Variants in SHROOM3 observed in about 807,000 individuals in gnomAD.
SHROOM3 encodes the protein shroom family member 3.
SHROOM3 carries 47 observed loss-of-function variants against 138.6 expected under a neutral mutation model. The observed-to-expected ratio is 0.34, with a 90% CI of 0.27 to 0.43. The LOEUF (loss-of-function observed/expected upper bound fraction) is 0.43, where lower values mean the gene tolerates loss of function less well. Among genes scored for constraint, SHROOM3 ranks in the 20% least tolerant of loss-of-function variants. The pLI is 1.00. For synonymous variants in SHROOM3, 1,062 were observed against 1,063.3 expected (o/e 1.00, Z 0.02); for missense variants, 2,491 against 2,596.5 (o/e 0.96, Z 0.88).
intron 1 of SHROOM3, among the ~76,000 whole-genome samples, chr4:76,511,274 T>C (rs1732331676): frequency 6.6e-6 from 1 of 152,194 alleles, no homozygotes; most frequent in Non-Finnish European, 1.5e-5. Flanking sequence ...AAGACTAGGC[T>C]CTTGGCTGCC....
intron 6 of SHROOM3, among the ~76,000 whole-genome samples, chr4:76,750,338 A>AAG: frequency 6.6e-6 from 1 of 152,374 alleles, no homozygotes; most frequent in South Asian, 2.1e-4. Context: ...AGGTAAAAAA[A>AAG]AGAACAAGAT....
intron 1 of SHROOM3, among the ~76,000 whole-genome samples, chr4:76,443,840 C>T (rs1469938281): frequency 6.6e-6 from 1 of 152,198 alleles, no homozygotes; most frequent in African/African-American, 2.4e-5. Flanking sequence ...CCTGAATTTG[C>T]ACTTATGTCA....
At chr4:76,605,439 G>A (rs1393882687) in intron 2 of SHROOM3, among the ~76,000 whole-genome samples, 2 of 152,118 alleles carry the variant, frequency 1.3e-5, no homozygotes, top group East Asian at 3.8e-4. Context: ...ATTTGAACTA[G>A]GCATGCCTTT....
At chr4:76,677,577 C>T (rs897371220) in intron 2 of SHROOM3, among the ~76,000 whole-genome samples, 1 of 152,162 alleles carries the variant, frequency 6.6e-6, no homozygotes, top group Non-Finnish European at 1.5e-5. Context: ...TGGCGCAACT[C>T]TTTGTGGGCA....
At chr4:76,660,569 A>G (rs1391958792) in intron 2 of SHROOM3, among the ~76,000 whole-genome samples, 1 of 152,058 alleles carries the variant, frequency 6.6e-6, no homozygotes, top group East Asian at 1.9e-4. Flanking sequence ...TCCGCCTCCC[A>G]GATTCAAATG....
intron 1 of SHROOM3, among the ~76,000 whole-genome samples, chr4:76,505,020 T>G (rs942216808): frequency 3.3e-5 from 5 of 152,328 alleles, no homozygotes; most frequent in Admixed American, 6.5e-5. Flanking sequence ...ACTTCAACAT[T>G]TGACTATTGG....
chr4:76,582,091 C>T (rs1734063251), intron 2 of SHROOM3, among the ~76,000 whole-genome samples: 1 of 152,186 alleles, frequency 6.6e-6, no homozygotes, highest in Admixed American at 6.5e-5. Context: ...AATCAAAAAC[C>T]TCTGTCTCAT....
intron 1 of SHROOM3, among the ~76,000 whole-genome samples, chr4:76,441,167 T>A (rs1230346250): frequency 7.1e-6 from 1 of 140,220 alleles, no homozygotes; most frequent in African/African-American, 2.6e-5. Flanking sequence ...CGATCTCGGC[T>A]CACTGCAAGC....
chr4:76,538,484 G>C (rs1733028481), intron 1 of SHROOM3, among the ~76,000 whole-genome samples: 1 of 152,188 alleles, frequency 6.6e-6, no homozygotes, highest in Admixed American at 6.5e-5. Context: ...TCATGTTGGT[G>C]AGAGGTCTGA....
intron 1 of SHROOM3, among the ~76,000 whole-genome samples, chr4:76,441,118 C>G (rs1315335491): frequency 1.0e-4 from 11 of 108,594 alleles, no homozygotes; most frequent in African/African-American, 3.8e-4. Context: ...GAGACAGAGT[C>G]TCACTCTGTC....
At chr4:76,524,618 G>T (rs1352320677) in intron 1 of SHROOM3, among the ~76,000 whole-genome samples, 2 of 152,192 alleles carry the variant, frequency 1.3e-5, no homozygotes, top group African/African-American at 4.8e-5. Flanking sequence ...GGGCATGTTA[G>T]GTTTCACCAT....
intron 1 of SHROOM3, among the ~76,000 whole-genome samples, chr4:76,481,001 A>G (rs1213119133): frequency 6.6e-6 from 1 of 152,240 alleles, no homozygotes; most frequent in Non-Finnish European, 1.5e-5. Flanking sequence ...AGGGAAATTT[A>G]TAGCACTAAA....
intron 1 of SHROOM3, among the ~76,000 whole-genome samples, chr4:76,455,130 A>T (rs1420306927): frequency 6.6e-6 from 1 of 152,010 alleles, no homozygotes; most frequent in Admixed American, 6.5e-5. Context: ...GATGACTTTT[A>T]TTTCTTTTTG....
At chr4:76,536,422 A>G (rs72866581) in intron 1 of SHROOM3, among the ~76,000 whole-genome samples, 356 of 152,252 alleles carry the variant, frequency 2.3e-3, no homozygotes, top group African/African-American at 8.1e-3. Flanking sequence ...TTCTTTGCAA[A>G]TGTTTGAATT....
At chr4:76,647,385 G>A (rs572070438) in intron 2 of SHROOM3, among the ~76,000 whole-genome samples, 18 of 152,202 alleles carry the variant, frequency 1.2e-4, no homozygotes, top group African/African-American at 4.1e-4. Context: ...ACAATGTATT[G>A]TGTATTTCAC....
chr4:76,584,179 G>C (rs754393157), intron 2 of SHROOM3, among the ~76,000 whole-genome samples: 1 of 152,030 alleles, frequency 6.6e-6, no homozygotes, highest in Non-Finnish European at 1.5e-5. Flanking sequence ...TTAGCCAGGC[G>C]TGGTGGCACA....
At chr4:76,477,413 A>G (rs1731509903) in intron 1 of SHROOM3, among the ~76,000 whole-genome samples, 1 of 152,206 alleles carries the variant, frequency 6.6e-6, no homozygotes, top group South Asian at 2.1e-4. Flanking sequence ...CCTTGCCTCA[A>G]GACTGCACAT....
chr4:76,448,795 G>A (rs896264537), intron 1 of SHROOM3, among the ~76,000 whole-genome samples: 4 of 152,150 alleles, frequency 2.6e-5, no homozygotes, highest in African/African-American at 9.7e-5. Context: ...TGCTTACTAA[G>A]GGATAGCCAG....
At chr4:76,635,890 AT>A (rs565031852) in intron 2 of SHROOM3, among the ~76,000 whole-genome samples, 53 of 152,330 alleles carry the variant, frequency 3.5e-4, no homozygotes, top group Non-Finnish European at 6.5e-4. Context: ...CAATCCTAGG[AT>A]TTCAACATCA....
Sources: gnomAD v4.1 joint callset for allele counts (sites outside exome capture counted in the v4.1 genomes callset) on GRCh38, gnomAD v4.1.1 for gene constraint, MANE v1.5 for transcripts, NCBI Gene and HGNC (gene_info 2026-07-23, HGNC 2026-07-21) for gene names.